CHD2: variants seen among roughly 807,000 people sequenced by gnomAD.
CHD2 encodes the protein ATP-dependent chromatin remodeler CHD2.
CHD2 carries 28 observed loss-of-function variants against 243.9 expected under a neutral mutation model. The ratio of observed to expected loss-of-function variants is 0.11; its 90% CI spans 0.09 to 0.16. The LOEUF (loss-of-function observed/expected upper bound fraction) is 0.16, where lower values mean the gene tolerates loss of function less well. Among genes scored for constraint, CHD2 ranks in the 10% least tolerant of loss-of-function variants. The pLI is 1.00. For synonymous variants in CHD2, 775 were observed against 779.0 expected, an observed-to-expected ratio of 0.99 and a Z score of 0.09; for missense variants, 1,386 against 2,209.8, an observed-to-expected ratio of 0.63 and a Z score of 7.47.
chr15:92,934,679 C>T (rs1309413544), intron 5 of CHD2, among the ~76,000 whole-genome samples: 1 of 152,192 alleles, frequency 6.6e-6, no homozygotes, highest in Non-Finnish European at 1.5e-5. Context: ...ACAGCTCAGT[C>T]ACTTTTTTCA....
chr15:93,018,688 C>T (rs2054492767), intron 37 of CHD2, among the ~76,000 whole-genome samples: 1 of 152,224 alleles, frequency 6.6e-6, no homozygotes, highest in Non-Finnish European at 1.5e-5. Flanking sequence ...CTGTTCCATG[C>T]CTCTCTTCTG....
rs140008471 is a variant in CHD2, at chr15:92,946,174, C to T, written c.1335C>T (p.His445=). The T allele has an allele frequency of 1.2e-6, 2 of 1,613,100 alleles. No homozygotes were observed. The highest frequency in any genetic ancestry group is 1.7e-6 in the Non-Finnish European group (2 of 1,179,478). ...TCCAGAATTGCATTGACAGCTTCCA[C>T]AGTAGGAACAACTCAAAAACCATCC... ...KKFQNCIDSF[H]SRNNSKTIPT... The change falls in exon 12 of 39, where the codon CAC becomes CAT. Residue 445 remains histidine, a synonymous_variant. Transcript: ENST00000394196.
chr15:93,001,743 C>T (rs1056720600), intron 32 of CHD2, among the ~76,000 whole-genome samples: 3 of 152,138 alleles, frequency 2.0e-5, no homozygotes, highest in African/African-American at 7.2e-5. Context: ...TGTCAAACTC[C>T]TGACCTCAGG....
chr15:92,949,731 A>G (rs1362074313), intron 13 of CHD2, among the ~76,000 whole-genome samples: 1 of 152,238 alleles, frequency 6.6e-6, no homozygotes, highest in East Asian at 1.9e-4. Context: ...ACTAAGTGCT[A>G]GGTGTTAGAA....
intron 5 of CHD2, among the ~76,000 whole-genome samples, chr15:92,934,036 C>CTGAA (rs2053222882): frequency 6.6e-6 from 1 of 152,166 alleles, no homozygotes; most frequent in Non-Finnish European, 1.5e-5. Flanking sequence ...GGGAAATCTA[C>CTGAA]TGAAGACTGA....
chr15:92,941,387 C>T (rs1307447381), intron 7 of CHD2, among the ~76,000 whole-genome samples: 1 of 152,078 alleles, frequency 6.6e-6, no homozygotes, highest in African/African-American at 2.4e-5. Context: ...TGGGAGACAA[C>T]ATACAGGGTT....
At chr15:93,011,608 T>G (rs1011459753) in intron 35 of CHD2, among the ~76,000 whole-genome samples, 2 of 152,200 alleles carry the variant, frequency 1.3e-5, no homozygotes, top group Non-Finnish European at 2.9e-5. Flanking sequence ...CAAGCCATGG[T>G]GAAACTACCT....
chr15:92,944,497 A>G lies in CHD2; in HGVS notation c.1135A>G (p.Ile379Val), dbSNP rs750853380. ...LASELNKQYQIVERVIAVKTS... is the reference protein window; with the variant it reads ...LASELNKQYQVVERVIAVKTS... ...TTCAGAGTTGAATAAACAGTATCAG[A>G]TAGTAGAAAGAGTAATAGGTAAGTA... Residue 379 changes from isoleucine (I) to valine (V), a missense_variant, in exon 10 of 39, where the codon ATA becomes GTA. Ile to Val is a conservative substitution (Grantham distance 29). Coordinates refer to ENST00000394196, the MANE Select transcript of CHD2 (RefSeq NM_001271.4). 5.6e-6 allele frequency: 9 copies of G among 1,594,442 alleles called. No individual in the cohort carries two copies. The South Asian group carries it at 6.7e-5, about 12-fold the overall frequency.
intron 6 of CHD2, 151 bp from the exon 7 acceptor site, chr15:92,939,427 A>C: frequency 4.0e-6 from 3 of 749,524 alleles, no homozygotes; most frequent in Non-Finnish European, 6.2e-6. Context: ...AATTTCAGGG[A>C]GTAGGGCCCA....
intron 15 of CHD2, 133 bp downstream of exon 15, chr15:92,955,645 T>C: frequency 2.0e-6 from 1 of 509,178 alleles, no homozygotes; most frequent in Non-Finnish European, 3.4e-6. Flanking sequence ...AATGGTAGGG[T>C]CTGTACCTCC....
At chr15:93,017,924 T>C (rs1052579122) in intron 37 of CHD2, among the ~76,000 whole-genome samples, 4 of 152,228 alleles carry the variant, frequency 2.6e-5, no homozygotes, top group Middle Eastern at 3.2e-3. Context: ...ATGTCACTTA[T>C]TTTATATTCT....
At chr15:92,963,495 T>G (rs1321051134) in intron 16 of CHD2, among the ~76,000 whole-genome samples, 1 of 152,224 alleles carries the variant, frequency 6.6e-6, no homozygotes, top group African/African-American at 2.4e-5. Context: ...ATTATTGCTT[T>G]CCACAGGTTT....
chr15:92,941,712 A>T (rs2053385718), intron 7 of CHD2, 110 bp from the exon 8 acceptor site: 1 of 1,121,394 alleles, frequency 8.9e-7, no homozygotes, highest in Non-Finnish European at 1.3e-6. Flanking sequence ...ATAAAACAAC[A>T]TGCTTTTGGA....
At chr15:92,993,551 C>G (rs2054148397) in intron 28 of CHD2, among the ~76,000 whole-genome samples, 1 of 128,092 alleles carries the variant, frequency 7.8e-6, no homozygotes, top group South Asian at 2.6e-4. Flanking sequence ...TTTGCCTGTC[C>G]TGTGTGATAT....
chr15:92,935,573 A>C (rs565114148), intron 5 of CHD2, among the ~76,000 whole-genome samples: 1 of 152,148 alleles, frequency 6.6e-6, no homozygotes, highest in East Asian at 1.9e-4. Context: ...CTAGCTGTTC[A>C]TATTCCTTCA....
At chr15:92,945,677 C>T (rs1191423456) in intron 10 of CHD2, 144 bp from the exon 11 acceptor site, 9 of 475,764 alleles carry the variant, frequency 1.9e-5, no homozygotes, top group Non-Finnish European at 3.3e-5. Context: ...GGATTACAGG[C>T]GTGAGCCACT....
chr15:92,912,370 A>G (rs753367755), intron 2 of CHD2, among the ~76,000 whole-genome samples: 30 of 152,164 alleles, frequency 2.0e-4, no homozygotes, highest in Non-Finnish European at 3.5e-4. Flanking sequence ...TGTGTTGACA[A>G]TCTTGAGGCG....
At chr15:93,005,589 A>G (rs2054310232) in intron 34 of CHD2, among the ~76,000 whole-genome samples, 1 of 152,136 alleles carries the variant, frequency 6.6e-6, no homozygotes, top group Non-Finnish European at 1.5e-5. Context: ...TGTGGCAGCA[A>G]AGGACCCTGT....
At chr15:92,985,388 A>T in intron 25 of CHD2, 110 bp from the exon 26 acceptor site, 1 of 1,102,008 alleles carries the variant, frequency 9.1e-7, no homozygotes. Context: ...GACTTGTCTG[A>T]TATGGTGAGA....
Sources: allele counts gnomAD v4.1 joint callset (sites outside exome capture counted in the v4.1 genomes callset), GRCh38; gene constraint gnomAD v4.1.1; transcripts MANE v1.5; gene names NCBI Gene and HGNC (gene_info 2026-07-23, HGNC 2026-07-21).